The following ABCC9 variants were observed in gnomAD, a reference collection of about 807,000 sequenced individuals.
ABCC9 encodes the protein ATP binding cassette subfamily C member 9, also known as ATP-binding cassette sub-family C member 9.
Under a neutral mutation model 188.3 loss-of-function variants are expected in ABCC9, and 95 were observed. The observed-to-expected ratio is 0.50, with a 90% CI of 0.43 to 0.60. ABCC9 has a LOEUF of 0.60. Ranked by LOEUF, ABCC9 falls within the 20% of genes least tolerant of loss-of-function variation. The pLI is 0.00. For missense variants in ABCC9, 1,102 were observed against 1,876.3 expected, an observed-to-expected ratio of 0.59 and a Z score of 7.62; for synonymous variants, 659 against 652.7, an observed-to-expected ratio of 1.01 and a Z score of -0.15.
intron 12 of ABCC9, among the ~76,000 whole-genome samples, chr12:21,900,087 G>C (rs1947647719): frequency 6.6e-6 from 1 of 152,154 alleles, no homozygotes; most frequent in Admixed American, 6.5e-5. Flanking sequence ...ACCTCACACG[G>C]CCGGGTACCC....
chr12:21,884,327 C>T (rs113472108), intron 15 of ABCC9, among the ~76,000 whole-genome samples: 60 of 152,268 alleles, frequency 3.9e-4, no homozygotes, highest in African/African-American at 1.4e-3. Context: ...CCCATCTCAG[C>T]TTCCCGAAGT....
rs1188126622 is a variant in ABCC9 at position 21,915,749 on chromosome 12, C to A, written c.735G>T (p.Leu245=). Residue 245 remains leucine, a synonymous_variant, in exon 7 of 40, where the codon CTG becomes CTT. Transcript: ENST00000261200. ...IISAHKKPID[L]KAIGKLPIAM... The stretch of plus-strand genomic sequence containing the variant: ...CTATTGGCAATTTTCCAATTGCCTT[C>A]AGATCAATAGGCTTTTTGTGAGCAG... 2 of 1,612,918 alleles carry A rather than the reference C, an allele frequency of 1.2e-6. No homozygotes were observed. Among genetic ancestry groups the A allele is most frequent in the East Asian group, 2.2e-5 (1 of 44,764 alleles).
chr12:21,875,805 C>T (rs931610947), intron 16 of ABCC9, 79 bp from the exon 17 acceptor site: 155 of 1,235,302 alleles, frequency 1.3e-4, no homozygotes, highest in Non-Finnish European at 2.7e-5. Context: ...AATTTGTAGG[C>T]CAGGCGCAGT....
chr12:21,922,252 T>TTGATAG (rs1170298043), intron 5 of ABCC9, among the ~76,000 whole-genome samples: 3 of 152,014 alleles, frequency 2.0e-5, no homozygotes, highest in African/African-American at 7.2e-5. Context: ...GCACCAGTGT[T>TTGATAG]TGATAGTTTT....
chr12:21,851,570 T>C lies in ABCC9; in HGVS notation c.2769+527A>G, dbSNP rs556000786. 2.0e-5 allele frequency among the ~76,000 whole-genome samples: 3 copies of C among 152,292 alleles called. No individual in the cohort carries two copies. In the South Asian group the frequency reaches 6.2e-4, roughly 32 times the overall value. ...TTGTGGACTTCAAAAAAAGTACAAA[T>C]GTAAAATTTTATTTTTATTTCCTTC... On this transcript the variant is annotated intron_variant, in intron 24 of 39. Coordinates refer to ENST00000261200, the MANE Select transcript of ABCC9 (RefSeq NM_020297.4).
intron 30 of ABCC9, among the ~76,000 whole-genome samples, chr12:21,835,706 T>C (rs760735295): frequency 4.6e-5 from 7 of 152,134 alleles, no homozygotes; most frequent in Non-Finnish European, 8.8e-5. Context: ...GCTCCTCTTT[T>C]CTTAGTCTAC....
Position 21,906,163 on chromosome 12 carries a change from A to G in ABCC9, c.1581T>C (p.Ser527=). The change falls in exon 12 of 40, where the codon TCT becomes TCC. Residue 527 remains serine (S), a synonymous_variant. Coordinates refer to ENST00000261200, the MANE Select transcript of ABCC9 (RefSeq NM_020297.4). ...TATATAGTGCAAAGGTTTTGAGACT[A>G]GATAGTTCTTTCATTCTTGTTTCCT... ...SVEETRMKEL[S]SLKTFALYTS... The G allele has an allele frequency of 6.2e-7, 1 of 1,613,224 alleles. No individual in the cohort carries two copies. Among genetic ancestry groups the G allele is most frequent in the Non-Finnish European group, 8.5e-7 (1 of 1,179,332 alleles).
chr12:21,813,529 A>T (rs1267851677), intron 35 of ABCC9, among the ~76,000 whole-genome samples: 1 of 152,168 alleles, frequency 6.6e-6, no homozygotes, highest in Non-Finnish European at 1.5e-5. Flanking sequence ...TTCACATGGG[A>T]CCTGAAATCA....
chr12:21,932,508 C>T (rs1949329235), intron 4 of ABCC9, among the ~76,000 whole-genome samples: 1 of 151,950 alleles, frequency 6.6e-6, no homozygotes, highest in Non-Finnish European at 1.5e-5. Flanking sequence ...AAAATTTTTG[C>T]AAACTATGCA....
chr12:21,810,317 G>A (rs960470180), intron 36 of ABCC9, among the ~76,000 whole-genome samples: 1 of 152,056 alleles, frequency 6.6e-6, no homozygotes, highest in African/African-American at 2.4e-5. Flanking sequence ...ACATCTCTAT[G>A]GGAGCATATT....
intron 4 of ABCC9, among the ~76,000 whole-genome samples, chr12:21,927,790 A>C (rs1949099895): frequency 6.6e-6 from 1 of 152,208 alleles, no homozygotes; most frequent in South Asian, 2.1e-4. Context: ...AAAAATGTGA[A>C]AGTAGTATGG....
At chr12:21,845,905 A>G in intron 25 of ABCC9, 73 bp from the exon 26 acceptor site, 1 of 1,088,364 alleles carries the variant, frequency 9.2e-7, no homozygotes, top group Non-Finnish European at 1.4e-6. Context: ...CTCCACAAAT[A>G]GTATATAAAC....
chr12:21,864,510 T>C, intron 18 of ABCC9, 33 bp from the exon 19 acceptor site: 1 of 1,501,186 alleles, frequency 6.7e-7, no homozygotes, highest in Non-Finnish European at 9.3e-7. Context: ...TCATTAATTA[T>C]GAAGTAGAAA....
chr12:21,820,888 T>C (rs955971531), intron 31 of ABCC9, among the ~76,000 whole-genome samples: 2 of 152,186 alleles, frequency 1.3e-5, no homozygotes, highest in African/African-American at 2.4e-5. Flanking sequence ...AATTATCTTA[T>C]TTGCTTATTT....
rs779866340 is a variant in ABCC9, at chr12:21,859,621, G to T, written c.2470C>A (p.Arg824=). 41 of 1,613,708 alleles carry T rather than the reference G, an allele frequency of 2.5e-5. No homozygotes were observed. The highest frequency in any genetic ancestry group is 8.8e-5 in the South Asian group (8 of 91,082). The part of the protein sequence containing the change: ...GGQRQRICVA[R]ALYQNTNIVF... Reference sequence around the variant, plus strand: ...ATGTTGGTGTTTTGATACAGCGCTCGTGCCACACAGATTCTCTGCCTCTGT... The same window carrying T: ...ATGTTGGTGTTTTGATACAGCGCTCTTGCCACACAGATTCTCTGCCTCTGT... The change falls in exon 22 of 40, where the codon CGA becomes AGA. Residue 824 remains arginine (R), a synonymous_variant. Coordinates refer to ENST00000261200, the MANE Select transcript of ABCC9 (RefSeq NM_020297.4).
intron 9 of ABCC9, 85 bp from the exon 10 acceptor site, chr12:21,910,397 C>T (rs1948261065): frequency 5.8e-6 from 8 of 1,372,530 alleles, no homozygotes; most frequent in African/African-American, 1.5e-5. Context: ...AAATAACAAA[C>T]ATTTAATTTT....
chr12:21,916,360 A>G (rs1483669356), intron 6 of ABCC9, among the ~76,000 whole-genome samples: 1 of 152,148 alleles, frequency 6.6e-6, no homozygotes, highest in Non-Finnish European at 1.5e-5. Flanking sequence ...ATCAAGTTCA[A>G]AGTTCTCTGA....
In ABCC9 at chr12:21,835,869, A is replaced by G. The variant is rs532134389; in HGVS notation, c.3566+2209T>C. 3.2e-4 allele frequency among the ~76,000 whole-genome samples: 48 copies of G among 152,250 alleles called. No individual in the cohort carries two copies. In the South Asian group the frequency reaches 1.0e-2, roughly 32 times the overall value. On this transcript the variant is annotated intron_variant, in intron 30 of 39. Transcript: ENST00000261200. ...CAAAAACAGTCCAGCTGGATATCTC[A>G]TTACTACCTGTACATGTTCATAACC...
chr12:21,805,144 G>A, intron 39 of ABCC9: 1 of 1,613,720 alleles, frequency 6.2e-7, no homozygotes. Context: ...ACCGGAGAAT[G>A]ACAGACTTGG....
Sources: allele counts gnomAD v4.1 joint callset (sites outside exome capture counted in the v4.1 genomes callset), GRCh38; gene constraint gnomAD v4.1.1; transcripts MANE v1.5; gene names NCBI Gene and HGNC (gene_info 2026-07-23, HGNC 2026-07-21).